AGBL4: variants seen among roughly 807,000 people sequenced by gnomAD.
AGBL4 encodes AGBL carboxypeptidase 4.
In AGBL4, 58 loss-of-function variants were observed where a neutral mutation model predicts 66.4. The ratio of observed to expected loss-of-function variants is 0.87; its 90% CI spans 0.71 to 1.09. The LOEUF is 1.09. Ranked by LOEUF, AGBL4 falls within the 50% of genes least tolerant of loss-of-function variation. The probability of loss-of-function intolerance (pLI) is 0.00; values close to 1 mark genes in which losing one functional copy is unlikely to be tolerated. For synonymous variants in AGBL4, 234 were observed against 222.9 expected (o/e 1.05, Z -0.44); for missense variants, 579 against 631.0 (o/e 0.92, Z 0.88).
intron 3 of AGBL4, among the ~76,000 whole-genome samples, chr1:49,495,734 A>G (rs1369960532): frequency 6.6e-6 from 1 of 152,044 alleles, no homozygotes; most frequent in Non-Finnish European, 1.5e-5. Flanking sequence ...TGATTTAAAA[A>G]AAGGGGAGGT....
chr1:49,472,614 G>A (rs761742019), intron 3 of AGBL4, among the ~76,000 whole-genome samples: 2 of 151,874 alleles, frequency 1.3e-5, no homozygotes, highest in Non-Finnish European at 2.9e-5. Context: ...TCAAAGTTGA[G>A]TCCTGAAGAA....
At chr1:49,197,117 C>CT (rs1647296447) in intron 4 of AGBL4, among the ~76,000 whole-genome samples, 1 of 152,216 alleles carries the variant, frequency 6.6e-6, no homozygotes, top group Non-Finnish European at 1.5e-5. Flanking sequence ...GCACAAGCCA[C>CT]TGTGCCTGGC....
intron 4 of AGBL4, among the ~76,000 whole-genome samples, chr1:49,070,056 T>C (rs1644570418): frequency 6.6e-6 from 1 of 151,996 alleles, no homozygotes; most frequent in Non-Finnish European, 1.5e-5. Flanking sequence ...TGTATAAGAA[T>C]GCTTGTGATT....
intron 2 of AGBL4, among the ~76,000 whole-genome samples, chr1:49,799,459 C>T (rs1299723355): frequency 6.6e-6 from 1 of 152,046 alleles, no homozygotes; most frequent in African/African-American, 2.4e-5. Context: ...CCATGAATAT[C>T]CTCATTGGAA....
intron 3 of AGBL4, among the ~76,000 whole-genome samples, chr1:49,549,541 A>T (rs546329808): frequency 6.6e-6 from 1 of 152,092 alleles, no homozygotes; most frequent in Admixed American, 6.5e-5. Context: ...TTTTGACCCA[A>T]TGCTCATTCA....
chr1:49,628,001 T>G (rs2124339609), intron 3 of AGBL4, among the ~76,000 whole-genome samples: 1 of 152,308 alleles, frequency 6.6e-6, no homozygotes, highest in South Asian at 2.1e-4. Flanking sequence ...GCCTGTCCAA[T>G]TTTATGACTT....
chr1:48,637,460 A>G (rs1259247998), intron 8 of AGBL4, among the ~76,000 whole-genome samples: 1 of 152,152 alleles, frequency 6.6e-6, no homozygotes, highest in Non-Finnish European at 1.5e-5. Flanking sequence ...TTACAAGATG[A>G]GGCATGATTT....
At position 49,094,216 on chromosome 1, in the gene AGBL4, C is replaced by A. The variant is rs1047377112; in HGVS notation, c.378-48416G>T. On this transcript the variant is annotated intron_variant, in intron 4 of 13. Transcript: ENST00000371839. ...CATATGGGCAGTAGGTTGAATACTA[C>A]CCCCCACTCCCCTACCCCCACCAAA... Among the ~76,000 whole-genome samples, 3 of 152,010 alleles carry A rather than the reference C, an allele frequency of 2.0e-5. No individual in the cohort carries two copies. The East Asian group carries it at 5.8e-4, about 29-fold the overall frequency.
intron 4 of AGBL4, among the ~76,000 whole-genome samples, chr1:49,101,210 CAG>C (rs1208570534): frequency 6.6e-6 from 1 of 150,464 alleles, no homozygotes; most frequent in Non-Finnish European, 1.5e-5. Flanking sequence ...TTAATTGAGA[CAG>C]AGTTTCACTC....
At chr1:49,745,349 C>T (rs1650901597) in intron 2 of AGBL4, among the ~76,000 whole-genome samples, 1 of 151,924 alleles carries the variant, frequency 6.6e-6, no homozygotes, top group African/African-American at 2.4e-5. Flanking sequence ...GAGAGAGATA[C>T]CACAATCACA....
intron 5 of AGBL4, among the ~76,000 whole-genome samples, chr1:48,870,441 T>A (rs1209742786): frequency 2.0e-5 from 3 of 152,170 alleles, no homozygotes; most frequent in African/African-American, 7.2e-5. Context: ...GAATGTTTGA[T>A]GTCATCTAGC....
rs1657190424 is a variant in AGBL4 at position 48,953,664 on chromosome 1, CA to C, written c.595-86435del. Among the ~76,000 whole-genome samples the C allele has an allele frequency of 4.6e-5, 7 of 152,282 alleles. No homozygotes were observed. The South Asian group carries it at 1.5e-3, about 32-fold the overall frequency. ...TGAAAGTGAGGTTTTTTCCTTCTTT[CA>C]GTTGCACAGACTTCTATCCATCTGA... On this transcript the variant is annotated intron_variant, in intron 5 of 13. Coordinates refer to ENST00000371839, the MANE Select transcript of AGBL4 (RefSeq NM_032785.4).
intron 5 of AGBL4, among the ~76,000 whole-genome samples, chr1:48,888,148 T>A (rs1650554314): frequency 6.6e-6 from 1 of 152,186 alleles, no homozygotes; most frequent in Non-Finnish European, 1.5e-5. Context: ...GTTAGGCTAA[T>A]TTATGTTCAC....
intron 5 of AGBL4, among the ~76,000 whole-genome samples, chr1:48,881,923 G>C (rs1649828881): frequency 1.3e-5 from 2 of 152,198 alleles, no homozygotes; most frequent in African/African-American, 4.8e-5. Flanking sequence ...TTTGAGAAAA[G>C]AGAGCCACAT....
chr1:48,718,453 A>G (rs1331069711), intron 6 of AGBL4, among the ~76,000 whole-genome samples: 1 of 152,228 alleles, frequency 6.6e-6, no homozygotes, highest in Admixed American at 6.5e-5. Flanking sequence ...AATGAAAATA[A>G]TTTAAAGACC....
intron 6 of AGBL4, among the ~76,000 whole-genome samples, chr1:48,845,358 T>C (rs1646886258): frequency 6.6e-6 from 1 of 152,088 alleles, no homozygotes; most frequent in Non-Finnish European, 1.5e-5. Flanking sequence ...TGAACAAACA[T>C]GAATAGCAGT....
chr1:49,784,228 C>T (rs1183282381), intron 2 of AGBL4, among the ~76,000 whole-genome samples: 1 of 152,048 alleles, frequency 6.6e-6, no homozygotes, highest in Non-Finnish European at 1.5e-5. Context: ...TATTTCAAAA[C>T]TTGTTTCAAA....
At chr1:48,661,365 G>C (rs1013518006) in intron 7 of AGBL4, among the ~76,000 whole-genome samples, 9 of 152,198 alleles carry the variant, frequency 5.9e-5, no homozygotes, top group Admixed American at 4.6e-4. Flanking sequence ...GTGTAAAGGT[G>C]CACTGGTCAA....
Position 49,940,310 on chromosome 1 carries a change from A to G in AGBL4, c.34+83453T>C, listed in dbSNP as rs1241284261. On this transcript the variant is annotated intron_variant, in intron 1 of 13. Coordinates refer to ENST00000371839, the MANE Select transcript of AGBL4 (RefSeq NM_032785.4). ...CAGTGTGGCGATTCTTCAGGGATCT[A>G]GAACTAGAAATACCATTTGACCCAG... 5.9e-5 allele frequency among the ~76,000 whole-genome samples: 9 copies of G among 152,326 alleles called. No individual in the cohort carries two copies. The East Asian group carries it at 1.5e-3, about 26-fold the overall frequency.
Sources: allele counts gnomAD v4.1 joint callset (sites outside exome capture counted in the v4.1 genomes callset), GRCh38; gene constraint gnomAD v4.1.1; transcripts MANE v1.5; gene names NCBI Gene and HGNC (gene_info 2026-07-23, HGNC 2026-07-21).